Variants in NRXN1 observed in about 807,000 individuals in gnomAD.
The protein encoded by NRXN1 is neurexin 1, also known as neurexin-1.
A neutral mutation model predicts 150.9 loss-of-function variants in NRXN1; 39 were observed. The ratio of observed to expected loss-of-function variants is 0.26; its 90% CI spans 0.20 to 0.34. The LOEUF (loss-of-function observed/expected upper bound fraction) is 0.34. NRXN1 is among the 10% of genes least tolerant of loss of function. NRXN1 has a pLI of 1.00. For missense variants in NRXN1, 1,815 were observed against 1,949.9 expected, an observed-to-expected ratio of 0.93 and a Z score of 1.30; for synonymous variants, 924 against 757.0, an observed-to-expected ratio of 1.22 and a Z score of -3.62.
chr2:50,966,824 C>A lies in NRXN1; in HGVS notation c.773-40869G>T, dbSNP rs565025224. Among the ~76,000 whole-genome samples the A allele has an allele frequency of 3.3e-5, 5 of 151,926 alleles. No individual in the cohort carries two copies. The East Asian group carries it at 9.7e-4, about 29-fold the overall frequency. Reference sequence around the variant, plus strand: ...AAAAATGTGCTATAACAGCTATCTGCATTAATAAATCAAACTTATTGTTTA... The same window carrying A: ...AAAAATGTGCTATAACAGCTATCTGAATTAATAAATCAAACTTATTGTTTA... On this transcript the variant is annotated intron_variant, in intron 2 of 22. Coordinates refer to ENST00000401669, the MANE Select transcript of NRXN1 (RefSeq NM_001330078.2).
chr2:50,566,850 T>C (rs1669953584), intron 8 of NRXN1, among the ~76,000 whole-genome samples: 1 of 152,156 alleles, frequency 6.6e-6, no homozygotes, highest in Non-Finnish European at 1.5e-5. Context: ...TATTTACTTA[T>C]TCAGCCCTGG....
chr2:50,797,777 C>A (rs1273775941), intron 5 of NRXN1, among the ~76,000 whole-genome samples: 3 of 152,284 alleles, frequency 2.0e-5, no homozygotes, highest in African/African-American at 7.2e-5. Context: ...TGGCATATCA[C>A]AGGCACTCCA....
intron 5 of NRXN1, among the ~76,000 whole-genome samples, chr2:50,628,733 T>C (rs1435339200): frequency 1.3e-5 from 2 of 151,090 alleles, no homozygotes; most frequent in East Asian, 1.9e-4. Context: ...ACAACGAAAA[T>C]GAAAAAGAAA....
intron 21 of NRXN1, among the ~76,000 whole-genome samples, chr2:50,013,288 G>C (rs1307458449): frequency 2.0e-4 from 3 of 14,976 alleles, no homozygotes; most frequent in South Asian, 1.7e-3. Flanking sequence ...TTTTTTTTTG[G>C]ATACAGCTGT....
intron 2 of NRXN1, among the ~76,000 whole-genome samples, chr2:50,951,417 A>G (rs1691316719): frequency 1.3e-5 from 2 of 152,198 alleles, no homozygotes; most frequent in Non-Finnish European, 2.9e-5. Context: ...ACCCAACTGG[A>G]TGAATAACTT....
chr2:50,479,200 C>T (rs185723565), intron 15 of NRXN1, among the ~76,000 whole-genome samples: 6 of 152,342 alleles, frequency 3.9e-5, no homozygotes, highest in African/African-American at 1.2e-4. Flanking sequence ...TCTATCTTCG[C>T]CCCACAGTCC....
intron 21 of NRXN1, among the ~76,000 whole-genome samples, chr2:49,979,905 G>GTT (rs1558627001): frequency 2.1e-5 from 1 of 47,150 alleles, no homozygotes; most frequent in African/African-American, 6.7e-5. Context: ...TTGTTTTTTT[G>GTT]GTTTTTTTTT....
chr2:50,091,296 T>TCC, intron 19 of NRXN1, 27 bp downstream of exon 19: 1 of 1,613,378 alleles, frequency 6.2e-7, no homozygotes, highest in East Asian at 2.2e-5. Context: ...CATAAAATCT[T>TCC]CCCCCGATAC....
At chr2:50,282,869 C>G (rs529175589) in intron 17 of NRXN1, among the ~76,000 whole-genome samples, 2 of 152,178 alleles carry the variant, frequency 1.3e-5, no homozygotes, top group South Asian at 4.1e-4. Flanking sequence ...TATCAATTAA[C>G]AATATTATCA....
intron 17 of NRXN1, among the ~76,000 whole-genome samples, chr2:50,356,321 T>C (rs1413768671): frequency 6.6e-6 from 1 of 152,212 alleles, no homozygotes; most frequent in Admixed American, 6.5e-5. Flanking sequence ...AATTGCACAA[T>C]TATTCCAATA....
chr2:50,075,930 T>A (rs1292562862), intron 19 of NRXN1, among the ~76,000 whole-genome samples: 2 of 152,166 alleles, frequency 1.3e-5, no homozygotes, highest in Non-Finnish European at 2.9e-5. Context: ...CCGAGCTGTC[T>A]AACTCTACAC....
chr2:50,299,380 A>AAGAT (rs2073941088), intron 17 of NRXN1, among the ~76,000 whole-genome samples: 1 of 151,882 alleles, frequency 6.6e-6, no homozygotes, highest in African/African-American at 2.4e-5. Flanking sequence ...AGTAATGCTA[A>AAGAT]AGATAGTGCT....
intron 5 of NRXN1, among the ~76,000 whole-genome samples, chr2:50,626,183 C>A (rs572329065): frequency 1.9e-4 from 29 of 151,916 alleles, no homozygotes; most frequent in African/African-American, 6.5e-4. Context: ...ATTTAGAGTT[C>A]TGTGTACTAG....
At chr2:50,328,278 C>A (rs1378963142) in intron 17 of NRXN1, among the ~76,000 whole-genome samples, 1 of 151,946 alleles carries the variant, frequency 6.6e-6, no homozygotes, top group Non-Finnish European at 1.5e-5. Context: ...TGGCCCAAGA[C>A]AATTCTTCTT....
chr2:50,191,379 A>C (rs2061433927), intron 18 of NRXN1, among the ~76,000 whole-genome samples: 1 of 152,060 alleles, frequency 6.6e-6, no homozygotes, highest in African/African-American at 2.4e-5. Flanking sequence ...CTATAGTACA[A>C]TATCTAAATT....
chr2:50,103,640 G>A (rs1042790522), intron 18 of NRXN1, among the ~76,000 whole-genome samples: 2 of 151,976 alleles, frequency 1.3e-5, no homozygotes, highest in Non-Finnish European at 2.9e-5. Flanking sequence ...AAAAACACGC[G>A]AAGTGCTCAA....
intron 17 of NRXN1, among the ~76,000 whole-genome samples, chr2:50,426,733 C>T (rs2084527843): frequency 2.0e-5 from 3 of 152,136 alleles, no homozygotes; most frequent in Admixed American, 2.0e-4. Flanking sequence ...GTCCCTGACC[C>T]ATGCCAAAGA....
At chr2:50,188,268 G>A (rs1422143929) in intron 18 of NRXN1, among the ~76,000 whole-genome samples, 3 of 152,144 alleles carry the variant, frequency 2.0e-5, no homozygotes, top group East Asian at 1.9e-4. Context: ...AACAAGCAAC[G>A]GGGAAAGGAT....
chr2:50,062,066 C>T (rs1401166378), intron 19 of NRXN1, among the ~76,000 whole-genome samples: 7 of 152,046 alleles, frequency 4.6e-5, no homozygotes, highest in Non-Finnish European at 1.5e-5. Context: ...AAACAAGTTT[C>T]CTGGGGTGAA....
Sources: gnomAD v4.1 joint callset for allele counts (sites outside exome capture counted in the v4.1 genomes callset) on GRCh38, gnomAD v4.1.1 for gene constraint, MANE v1.5 for transcripts, NCBI Gene and HGNC (gene_info 2026-07-23, HGNC 2026-07-21) for gene names.